EPDR1: variants seen among roughly 807,000 people sequenced by gnomAD.
EPDR1 encodes the protein ependymin related 1.
EPDR1 carries 27 observed loss-of-function variants against 23.7 expected under a neutral mutation model. The ratio of observed to expected loss-of-function variants is 1.14; its 90% confidence interval spans 0.84 to 1.57. The LOEUF is 1.57. EPDR1 is among the 40% of genes most tolerant of loss of function. The probability of loss-of-function intolerance (pLI) is 0.00; values close to 1 mark genes in which losing one functional copy is unlikely to be tolerated. For synonymous variants in EPDR1, 137 were observed against 118.2 expected (o/e 1.16, Z -1.03); for missense variants, 349 against 290.4 (o/e 1.20, Z -1.47).
chr7:37,939,356 T>C (rs994233393), intron 1 of EPDR1, among the ~76,000 whole-genome samples: 3 of 152,330 alleles, frequency 2.0e-5, no homozygotes, highest in African/African-American at 7.2e-5. Context: ...ATCTTAATAT[T>C]GACTCCTACC....
chr7:37,945,680 C>T (rs964314959), intron 1 of EPDR1, among the ~76,000 whole-genome samples: 9 of 152,186 alleles, frequency 5.9e-5, no homozygotes, highest in African/African-American at 9.7e-5. Flanking sequence ...CAGTTGTACA[C>T]AATTCTAGCA....
intron 1 of EPDR1, among the ~76,000 whole-genome samples, chr7:37,924,843 A>T (rs1785784737): frequency 6.6e-6 from 1 of 152,224 alleles, no homozygotes; most frequent in African/African-American, 2.4e-5. Context: ...ACCAGATGTT[A>T]TTTGAAGAAA....
At chr7:37,946,497 T>G (rs1237164745) in intron 1 of EPDR1, among the ~76,000 whole-genome samples, 1 of 152,240 alleles carries the variant, frequency 6.6e-6, no homozygotes, top group African/African-American at 2.4e-5. Flanking sequence ...GTTGGGCTTT[T>G]TTTCCTATGT....
intron 1 of EPDR1, among the ~76,000 whole-genome samples, chr7:37,931,624 A>G (rs1307845614): frequency 1.3e-5 from 2 of 152,160 alleles, no homozygotes; most frequent in Non-Finnish European, 2.9e-5. Flanking sequence ...TGTTTCTATT[A>G]TCCTTGAATT....
chr7:37,925,237 G>T (rs749142382), intron 1 of EPDR1, among the ~76,000 whole-genome samples: 3 of 152,186 alleles, frequency 2.0e-5, no homozygotes, highest in Admixed American at 2.0e-4. Context: ...GGGAAGCAGC[G>T]TTGATACACA....
At chr7:37,924,351 A>G (rs773077593) in intron 1 of EPDR1, among the ~76,000 whole-genome samples, 1 of 152,192 alleles carries the variant, frequency 6.6e-6, no homozygotes, top group African/African-American at 2.4e-5. Context: ...AGGCAAAGTG[A>G]TGCATTGATT....
chr7:37,942,942 C>G (rs571034488), intron 1 of EPDR1, among the ~76,000 whole-genome samples: 25 of 152,320 alleles, frequency 1.6e-4, no homozygotes, highest in African/African-American at 5.3e-4. Context: ...AACAAAAATC[C>G]TTTGTCCCAT....
intron 1 of EPDR1, among the ~76,000 whole-genome samples, chr7:37,936,094 A>G (rs900803485): frequency 6.9e-6 from 1 of 145,602 alleles, no homozygotes; most frequent in African/African-American, 2.5e-5. Context: ...TCACTTATGA[A>G]TATTGATATA....
At chr7:37,922,867 G>A (rs1028250895) in intron 1 of EPDR1, among the ~76,000 whole-genome samples, 1 of 152,122 alleles carries the variant, frequency 6.6e-6, no homozygotes, top group Admixed American at 6.5e-5. Flanking sequence ...GTGATGAGAA[G>A]AACTCAGTTG....
chr7:37,945,046 G>A (rs566684834), intron 1 of EPDR1, among the ~76,000 whole-genome samples: 37 of 152,294 alleles, frequency 2.4e-4, no homozygotes, highest in African/African-American at 8.4e-4. Context: ...TGGCCCACGG[G>A]TCATTAAAAG....
chr7:37,922,672 G>GAGC (rs1554372872), intron 1 of EPDR1, among the ~76,000 whole-genome samples: 8 of 151,104 alleles, frequency 5.3e-5, no homozygotes, highest in Non-Finnish European at 1.2e-4. Context: ...AGCTAGGGGG[G>GAGC]GGTTCTGACG....
At chr7:37,946,518 C>A (rs910216461) in intron 1 of EPDR1, among the ~76,000 whole-genome samples, 1 of 152,176 alleles carries the variant, frequency 6.6e-6, no homozygotes, top group African/African-American at 2.4e-5. Context: ...TTGTTGGCCA[C>A]ATGTATGTAA....
At chr7:37,936,636 A>G (rs1199615246) in intron 1 of EPDR1, among the ~76,000 whole-genome samples, 1 of 152,188 alleles carries the variant, frequency 6.6e-6, no homozygotes, top group East Asian at 1.9e-4. Context: ...TAAAATTAAC[A>G]TGAAAAATCA....
At chr7:37,949,942 A>G (rs1786362679) in intron 2 of EPDR1, among the ~76,000 whole-genome samples, 1 of 152,218 alleles carries the variant, frequency 6.6e-6, no homozygotes, top group South Asian at 2.1e-4. Context: ...AAATCGAATG[A>G]TGAGTTCCAG....
At chr7:37,935,576 C>T (rs1365343298) in intron 1 of EPDR1, among the ~76,000 whole-genome samples, 1 of 152,144 alleles carries the variant, frequency 6.6e-6, no homozygotes, top group African/African-American at 2.4e-5. Flanking sequence ...TCATACAGCT[C>T]ATCAATAGCA....
At chr7:37,924,918 A>T (rs549187246) in intron 1 of EPDR1, among the ~76,000 whole-genome samples, 23 of 152,186 alleles carry the variant, frequency 1.5e-4, no homozygotes, top group Non-Finnish European at 2.6e-4. Flanking sequence ...AATTGGATCA[A>T]CTTCTTAAGA....
intron 2 of EPDR1, among the ~76,000 whole-genome samples, chr7:37,949,981 G>A (rs1003718409): frequency 1.3e-5 from 2 of 148,548 alleles, no homozygotes; most frequent in South Asian, 2.3e-4. Context: ...TGGGAAGTTC[G>A]TGTTTAATGG....
chr7:37,921,070 C>T lies in EPDR1; in HGVS notation c.131C>T (p.Ala44Val). The change falls in exon 1 of 3, where the codon GCG (alanine) becomes GTG (valine). Residue 44 changes from alanine (A) to valine (V), a missense_variant. Coordinates refer to ENST00000199448, the MANE Select transcript of EPDR1 (RefSeq NM_017549.5). ...GAVGAPRPCQ[A>V]PQQWEGRQVM... ...GTGGGAGCCCCGCGCCCGTGCCAGG[C>T]GCCGCAGCAGTGGGAGGGGCGCCAG... The T allele has an allele frequency of 6.4e-7, 1 of 1,563,872 alleles. No homozygotes were observed. Among genetic ancestry groups the T allele is most frequent in the Non-Finnish European group, 8.6e-7 (1 of 1,161,094 alleles).
intron 1 of EPDR1, among the ~76,000 whole-genome samples, chr7:37,937,324 G>C (rs1786075143): frequency 6.6e-6 from 1 of 152,182 alleles, no homozygotes. Context: ...TTTATAATCT[G>C]AGAGTAGGAA....
Sources: allele counts gnomAD v4.1 joint callset (sites outside exome capture counted in the v4.1 genomes callset), GRCh38; gene constraint gnomAD v4.1.1; transcripts MANE v1.5; gene names NCBI Gene and HGNC (gene_info 2026-07-23, HGNC 2026-07-21).